The following DARS1 variants were observed in gnomAD, a reference collection of about 807,000 sequenced individuals.
The protein encoded by DARS1 is aspartate--tRNA ligase, cytoplasmic.
In DARS1, 51 loss-of-function variants were observed where a neutral mutation model predicts 68.8. That is an observed-to-expected ratio of 0.74 (90% CI 0.59 to 0.94). The LOEUF (loss-of-function observed/expected upper bound fraction) is 0.94. Among genes scored for constraint, DARS1 ranks in the 40% least tolerant of loss-of-function variants. The pLI is 0.00. For missense variants in DARS1, 607 were observed against 597.3 expected, an observed-to-expected ratio of 1.02 and a Z score of -0.17; for synonymous variants, 203 against 190.4, an observed-to-expected ratio of 1.07 and a Z score of -0.55.
At chr2:135,954,199 G>C (rs1219368206) in intron 4 of DARS1, among the ~76,000 whole-genome samples, 1 of 150,958 alleles carries the variant, frequency 6.6e-6, no homozygotes, top group Non-Finnish European at 1.5e-5. Context: ...CACTATTTCA[G>C]AGAGGCAGGA....
chr2:135,967,331 T>C (rs1250780749), intron 3 of DARS1, among the ~76,000 whole-genome samples: 1 of 152,236 alleles, frequency 6.6e-6, no homozygotes, highest in Admixed American at 6.5e-5. Context: ...GAAGTTATTT[T>C]GGAAGTGTAA....
chr2:135,979,354 A>T lies in DARS1; in HGVS notation c.137T>A (p.Val46Asp), dbSNP rs1487185678. 1 of 1,404,060 alleles carries T rather than the reference A, an allele frequency of 7.1e-7. No homozygotes were observed. The highest frequency in any genetic ancestry group is 1.7e-5 in the Admixed American group (1 of 59,658). 87.0% of individuals were successfully genotyped at this position (1,404,060 alleles called of 1,614,324 possible). Residue 46 changes from valine to aspartate, a missense_variant, in exon 3 of 16, where the codon GTT (valine) becomes GAT (aspartate). By Grantham distance (152) the Val-to-Asp change is radical. Coordinates refer to ENST00000264161, the MANE Select transcript of DARS1 (RefSeq NM_001349.4). The stretch of plus-strand genomic sequence containing the variant: ...TTGTATTGTCAAGTCTCTAACCCGA[A>T]CCAAAACTCGATCTGTAATAACAGT... ...QSQEKPDRVL[V>D]RVRDLTIQKA...
chr2:135,912,109 C>T (rs918348471), intron 13 of DARS1, among the ~76,000 whole-genome samples: 1 of 152,028 alleles, frequency 6.6e-6, no homozygotes, highest in Non-Finnish European at 1.5e-5. Flanking sequence ...GGTAAAAGAC[C>T]GTAAGACATT....
intron 4 of DARS1, among the ~76,000 whole-genome samples, chr2:135,945,417 C>A (rs573802565): frequency 6.6e-6 from 1 of 152,176 alleles, no homozygotes; most frequent in Non-Finnish European, 1.5e-5. Flanking sequence ...CATGAGCCAT[C>A]GCGCCCGGCC....
chr2:135,933,854 G>A, intron 6 of DARS1, 56 bp downstream of exon 6: 1 of 1,558,284 alleles, frequency 6.4e-7, no homozygotes, highest in Non-Finnish European at 8.7e-7. Context: ...GGTTTTCAAT[G>A]TTTTGCAAAC....
In DARS1 at chr2:135,924,377, T is replaced by G; in HGVS notation, c.676+10A>C. 2 of 1,582,744 alleles carry G rather than the reference T, an allele frequency of 1.3e-6. No homozygotes were observed. Among genetic ancestry groups the G allele is most frequent in the Non-Finnish European group, 1.7e-6 (2 of 1,171,368 alleles). On this transcript the variant is annotated intron_variant, in intron 8 of 15. Coordinates refer to ENST00000264161, the MANE Select transcript of DARS1 (RefSeq NM_001349.4). ...TTTTTAAAAATTAAGAGAAATATTT[T>G]GAAGCATACCTGAAATAATTTTAGG... is the stretch of plus-strand genomic sequence containing the variant.
At chr2:135,923,375 C>T (rs998992558) in intron 8 of DARS1, among the ~76,000 whole-genome samples, 3 of 152,044 alleles carry the variant, frequency 2.0e-5, no homozygotes, top group Non-Finnish European at 4.4e-5. Context: ...CTGCAACCTC[C>T]GCCTCCCAGG....
chr2:135,957,554 G>T (rs1298438108), intron 4 of DARS1, among the ~76,000 whole-genome samples: 1 of 152,138 alleles, frequency 6.6e-6, no homozygotes, highest in African/African-American at 2.4e-5. Context: ...TAGAGATGGG[G>T]TTTCGCCATG....
chr2:135,942,390 A>C (rs924178124), intron 5 of DARS1, among the ~76,000 whole-genome samples: 31 of 151,796 alleles, frequency 2.0e-4, no homozygotes, highest in African/African-American at 7.5e-4. Flanking sequence ...CATTCTCAGC[A>C]AACTATCACA....
intron 4 of DARS1, among the ~76,000 whole-genome samples, chr2:135,952,285 T>A (rs1681854854): frequency 1.3e-5 from 2 of 152,168 alleles, no homozygotes; most frequent in East Asian, 1.9e-4. Flanking sequence ...TTTTTTTTTT[T>A]AAATTGACAC....
Position 135,949,232 on chromosome 2 carries a change from T to A in DARS1, c.321-5752A>T, listed in dbSNP as rs535186345. The stretch of plus-strand genomic sequence containing the variant: ...TTAACTTTAAAACTACTTTTCACAT[T>A]AATTGTAGTCCTTTATAGTGGGCAC... On this transcript the variant is annotated intron_variant, in intron 4 of 15. Transcript: ENST00000264161. 7.2e-4 allele frequency among the ~76,000 whole-genome samples: 109 copies of A among 152,258 alleles called. 3 individuals carry two copies. The highest frequency in any genetic ancestry group is 2.2e-3 in the African/African-American group (92 of 41,560).
At chr2:135,961,315 G>A in intron 4 of DARS1, 81 bp downstream of exon 4, 1 of 765,898 alleles carries the variant, frequency 1.3e-6, no homozygotes, top group South Asian at 1.5e-5. Flanking sequence ...TGATGTTAAT[G>A]TATGAAAATG....
intron 3 of DARS1, among the ~76,000 whole-genome samples, chr2:135,970,567 A>T (rs984682048): frequency 6.6e-6 from 1 of 152,080 alleles, no homozygotes; most frequent in Non-Finnish European, 1.5e-5. Flanking sequence ...GAACTAGAAA[A>T]GTATAAACTG....
intron 7 of DARS1, among the ~76,000 whole-genome samples, chr2:135,924,755 A>G (rs980253399): frequency 1.5e-4 from 23 of 152,358 alleles, no homozygotes; most frequent in African/African-American, 5.5e-4. Context: ...TAGGAATTCC[A>G]TAAAAGAAAA....
Position 135,914,460 on chromosome 2 carries a change from G to C in DARS1, c.1149+9C>G, listed in dbSNP as rs954714787. 1 of 1,270,144 alleles carries C rather than the reference G, an allele frequency of 7.9e-7. No individual in the cohort carries two copies. The highest frequency in any genetic ancestry group is 1.7e-5 in the Admixed American group (1 of 59,554). The allele number at this position is 1,270,144 out of a possible 1,614,324, so 78.7% of individuals were successfully genotyped here. On this transcript the variant is annotated intron_variant, in intron 12 of 15. Transcript: ENST00000264161. Reference sequence around the variant, plus strand: ...TAGAAAAAGAAATCCAGCATATAAAGAGTCCTACCTTTTCCTTTACCAAAT... The same window carrying C: ...TAGAAAAAGAAATCCAGCATATAAACAGTCCTACCTTTTCCTTTACCAAAT...
intron 8 of DARS1, among the ~76,000 whole-genome samples, chr2:135,923,220 A>C (rs184130115): frequency 1.3e-5 from 2 of 151,942 alleles, no homozygotes; most frequent in Non-Finnish European, 2.9e-5. Flanking sequence ...TTTTTTTTTT[A>C]AAATGAAAAA....
chr2:135,950,812 C>T (rs1681824003), intron 4 of DARS1, among the ~76,000 whole-genome samples: 2 of 152,126 alleles, frequency 1.3e-5, no homozygotes, highest in Admixed American at 1.3e-4. Context: ...GCCATGAACA[C>T]ACAGGATACT....
intron 2 of DARS1, 129 bp from the exon 3 acceptor site, chr2:135,979,495 GAC>G (rs1358384078): frequency 3.3e-6 from 2 of 609,082 alleles, no homozygotes; most frequent in East Asian, 5.7e-5. Context: ...CTCAATCTTT[GAC>G]AACACTGTCT....
intron 5 of DARS1, 145 bp from the exon 6 acceptor site, chr2:135,934,135 G>A: frequency 7.2e-7 from 1 of 1,379,984 alleles, no homozygotes; most frequent in Non-Finnish European, 9.5e-7. Context: ...CAAACAAGAT[G>A]ATACAGGTTT....
Sources: gnomAD v4.1 joint callset for allele counts (sites outside exome capture counted in the v4.1 genomes callset) on GRCh38, gnomAD v4.1.1 for gene constraint, MANE v1.5 for transcripts, NCBI Gene and HGNC (gene_info 2026-07-23, HGNC 2026-07-21) for gene names.